Variants in ITSN1 observed in about 807,000 individuals in gnomAD.
ITSN1 encodes the protein intersectin 1, also known as intersectin-1.
In ITSN1, 58 loss-of-function variants were observed where a neutral mutation model predicts 239.8. The observed-to-expected ratio is 0.24, with a 90% CI of 0.20 to 0.30. The LOEUF (loss-of-function observed/expected upper bound fraction) is 0.30, where lower values mean the gene tolerates loss of function less well. Among genes scored for constraint, ITSN1 ranks in the 10% least tolerant of loss-of-function variants. The probability of loss-of-function intolerance (pLI) is 1.00; values close to 1 mark genes in which losing one functional copy is unlikely to be tolerated. For synonymous variants in ITSN1, 780 were observed against 770.8 expected (o/e 1.01, Z -0.20); for missense variants, 1,558 against 2,103.3 (o/e 0.74, Z 5.07).
At chr21:33,824,294 T>C (rs2073858176) in intron 25 of ITSN1, among the ~76,000 whole-genome samples, 1 of 152,162 alleles carries the variant, frequency 6.6e-6, no homozygotes, top group African/African-American at 2.4e-5. Context: ...ATAGTGCAAG[T>C]TGAATGGAAT....
chr21:33,721,320 T>C (rs1440262431), intron 3 of ITSN1, 50 bp downstream of exon 3: 1 of 1,169,918 alleles, frequency 8.5e-7, no homozygotes, highest in Non-Finnish European at 1.3e-6. Flanking sequence ...AGTGCAGATG[T>C]CTGTGGAAAC....
intron 7 of ITSN1, among the ~76,000 whole-genome samples, chr21:33,754,975 T>G (rs2067811447): frequency 6.6e-6 from 1 of 152,210 alleles, no homozygotes; most frequent in Non-Finnish European, 1.5e-5. Context: ...GACATTATTG[T>G]TTTACCTCAG....
intron 11 of ITSN1, among the ~76,000 whole-genome samples, chr21:33,768,661 AATG>A (rs1347608606): frequency 3.9e-5 from 6 of 152,208 alleles, no homozygotes; most frequent in Non-Finnish European, 7.3e-5. Flanking sequence ...ATGAATTATT[AATG>A]ATGAGATGAT....
chr21:33,800,276 A>AAT (rs1173063589), intron 19 of ITSN1, among the ~76,000 whole-genome samples: 2 of 151,800 alleles, frequency 1.3e-5, no homozygotes, highest in Non-Finnish European at 2.9e-5. Context: ...ATGTATAGAC[A>AAT]ATATATATAC....
At chr21:33,812,997 A>G (rs1421525937) in intron 21 of ITSN1, among the ~76,000 whole-genome samples, 1 of 151,334 alleles carries the variant, frequency 6.6e-6, no homozygotes, top group South Asian at 2.1e-4. Flanking sequence ...TTTTTTTCTC[A>G]TTTAACTATT....
At chr21:33,879,111 GC>G (rs1175187314) in intron 34 of ITSN1, among the ~76,000 whole-genome samples, 1 of 152,162 alleles carries the variant, frequency 6.6e-6, no homozygotes, top group African/African-American at 2.4e-5. Flanking sequence ...ACTTTGAGAG[GC>G]CAAGGCAGGA....
At chr21:33,795,883 AC>A (rs2071513934) in intron 17 of ITSN1, among the ~76,000 whole-genome samples, 1 of 152,072 alleles carries the variant, frequency 6.6e-6, no homozygotes, top group African/African-American at 2.4e-5. Flanking sequence ...CTGCAAATTA[AC>A]GTCAGAAATT....
chr21:33,877,747 C>T (rs1037961889), intron 34 of ITSN1, among the ~76,000 whole-genome samples: 2 of 152,148 alleles, frequency 1.3e-5, no homozygotes, highest in Admixed American at 1.3e-4. Context: ...TATAGTGGCA[C>T]TGGCTTTCGG....
At chr21:33,703,903 T>G (rs760451699) in intron 1 of ITSN1, among the ~76,000 whole-genome samples, 15 of 152,200 alleles carry the variant, frequency 9.9e-5, no homozygotes, top group Non-Finnish European at 2.1e-4. Flanking sequence ...CTCCGGGCCC[T>G]TAGCCCTGAG....
At chr21:33,830,873 A>C (rs1186118402) in intron 27 of ITSN1, among the ~76,000 whole-genome samples, 1 of 150,878 alleles carries the variant, frequency 6.6e-6, no homozygotes, top group Non-Finnish European at 1.5e-5. Context: ...CAGATGAATC[A>C]AAAAAAGAAC....
intron 16 of ITSN1, among the ~76,000 whole-genome samples, chr21:33,784,635 C>T (rs2070497716): frequency 1.3e-5 from 2 of 152,154 alleles, no homozygotes; most frequent in African/African-American, 4.8e-5. Flanking sequence ...TCCTCTCAAA[C>T]CTGATAAAGC....
At chr21:33,777,745 T>G (rs1003822369) in intron 14 of ITSN1, among the ~76,000 whole-genome samples, 2 of 152,172 alleles carry the variant, frequency 1.3e-5, no homozygotes, top group Non-Finnish European at 2.9e-5. Flanking sequence ...TATATGGAAA[T>G]AGAATTTATT....
chr21:33,760,536 G>C (rs1410310885), intron 8 of ITSN1, among the ~76,000 whole-genome samples: 1 of 152,170 alleles, frequency 6.6e-6, no homozygotes, highest in Non-Finnish European at 1.5e-5. Flanking sequence ...ATGTGCTAAT[G>C]TGATGCTAAG....
chr21:33,651,031 C>G (rs1038022213), intron 1 of ITSN1, among the ~76,000 whole-genome samples: 2 of 152,254 alleles, frequency 1.3e-5, no homozygotes, highest in African/African-American at 4.8e-5. Context: ...GAGTGTATCG[C>G]TGTTGTCCAG....
At chr21:33,861,469 A>G (rs1359281214) in intron 31 of ITSN1, among the ~76,000 whole-genome samples, 2 of 152,200 alleles carry the variant, frequency 1.3e-5, no homozygotes, top group Non-Finnish European at 2.9e-5. Context: ...AAAAAGGGCT[A>G]ACTGGAACAC....
intron 14 of ITSN1, among the ~76,000 whole-genome samples, chr21:33,777,750 T>C (rs2069756369): frequency 6.6e-6 from 1 of 152,190 alleles, no homozygotes; most frequent in Non-Finnish European, 1.5e-5. Context: ...GGAAATAGAA[T>C]TTATTTTTGT....
intron 4 of ITSN1, among the ~76,000 whole-genome samples, chr21:33,732,023 A>G (rs536353807): frequency 1.3e-5 from 2 of 152,338 alleles, no homozygotes; most frequent in East Asian, 1.9e-4. Context: ...GAACAATGGG[A>G]CAACTGGAAG....
Position 33,885,046 on chromosome 21 carries a change from C to T in ITSN1, c.4682C>T (p.Ala1561Val), listed in dbSNP as rs202056804. Reference sequence around the variant, plus strand: ...TCTGTCTTTTTCTGTCCAAGGACTGCCTGGGTGCAGAAAATCAAAGCTGCT... The same window carrying T: ...TCTGTCTTTTTCTGTCCAAGGACTGTCTGGGTGCAGAAAATCAAAGCTGCT... ...LRAESINERT[A>V]WVQKIKAASE... The change falls in exon 37 of 40, where the codon GCC (alanine) becomes GTC (valine). Residue 1561 changes from alanine (A) to valine (V), a missense_variant. Around this residue, in one of 2 missense-constraint regions of ITSN1, gnomAD observed 576 missense variants for 893.3 expected, o/e 0.64. Coordinates refer to ENST00000381318, the MANE Select transcript of ITSN1 (RefSeq NM_003024.3). The T allele has an allele frequency of 6.2e-7, 1 of 1,613,818 alleles. No individual in the cohort carries two copies. The highest frequency in any genetic ancestry group is 1.7e-5 in the Admixed American group (1 of 60,018).
chr21:33,888,225 G>T lies in ITSN1; in HGVS notation c.5091G>T (p.Lys1697Asn). The change falls in exon 40 of 40, where the codon AAG becomes AAT. Residue 1697 changes from lysine to asparagine, a missense_variant. Around this residue, in one of 2 missense-constraint regions of ITSN1, gnomAD observed 576 missense variants for 893.3 expected, o/e 0.64. Transcript: ENST00000381318. The part of the protein sequence containing the change: ...KDQGSKGPVT[K>N]CLLLHEVPTG... ...AGGGCTCCAAAGGTCCAGTTACGAA[G>T]TGTCTTCTGCTGCACGAAGTCCCCA... 1 of 1,614,164 alleles carries T rather than the reference G, an allele frequency of 6.2e-7. No individual in the cohort carries two copies. Among genetic ancestry groups the T allele is most frequent in the Non-Finnish European group, 8.5e-7 (1 of 1,180,026 alleles).
Sources: allele counts gnomAD v4.1 joint callset (sites outside exome capture counted in the v4.1 genomes callset), GRCh38; gene constraint gnomAD v4.1.1; regional missense constraint gnomAD v4.1.1; transcripts MANE v1.5; gene names NCBI Gene and HGNC (gene_info 2026-07-23, HGNC 2026-07-21).